NELL1: variants seen among roughly 807,000 people sequenced by gnomAD.
The protein encoded by NELL1 is neural EGFL like 1, also known as protein kinase C-binding protein NELL1.
Under a neutral mutation model 107.4 loss-of-function variants are expected in NELL1, and 76 were observed. The observed-to-expected ratio is 0.71, with a 90% CI of 0.59 to 0.86. The LOEUF is 0.86. Ranked by LOEUF, NELL1 falls within the 40% of genes least tolerant of loss-of-function variation. The pLI is 0.00. For missense variants in NELL1, 1,024 were observed against 1,005.5 expected (o/e 1.02, Z -0.25); for synonymous variants, 353 against 341.2 (o/e 1.03, Z -0.38).
chr11:21,109,619 A>G (rs937580902), intron 12 of NELL1, among the ~76,000 whole-genome samples: 6 of 152,004 alleles, frequency 3.9e-5, no homozygotes, highest in African/African-American at 9.7e-5. Context: ...GTCCAACTCA[A>G]TTTCTCTCTT....
intron 14 of NELL1, among the ~76,000 whole-genome samples, chr11:21,359,961 T>C (rs1851033490): frequency 6.6e-6 from 1 of 152,172 alleles, no homozygotes; most frequent in Non-Finnish European, 1.5e-5. Flanking sequence ...TTATCTTTTG[T>C]ATTGATTTCT....
intron 5 of NELL1, among the ~76,000 whole-genome samples, chr11:20,899,074 A>G (rs1590394531): frequency 6.6e-6 from 1 of 152,280 alleles, no homozygotes; most frequent in East Asian, 1.9e-4. Flanking sequence ...ACTTCTCGCA[A>G]TAACTTATAG....
At chr11:20,791,884 C>G (rs766144372) in intron 3 of NELL1, among the ~76,000 whole-genome samples, 4 of 151,864 alleles carry the variant, frequency 2.6e-5, no homozygotes, top group Middle Eastern at 3.2e-3. Flanking sequence ...TAGTTTTAAT[C>G]TTTTATTCTG....
intron 14 of NELL1, among the ~76,000 whole-genome samples, chr11:21,338,147 T>C (rs1200019687): frequency 1.3e-5 from 2 of 152,116 alleles, no homozygotes; most frequent in Non-Finnish European, 2.9e-5. Flanking sequence ...ACAGATATAA[T>C]GACAATGCAA....
At chr11:21,383,567 A>C (rs1318134317) in intron 15 of NELL1, among the ~76,000 whole-genome samples, 1 of 151,568 alleles carries the variant, frequency 6.6e-6, no homozygotes, top group Non-Finnish European at 1.5e-5. Flanking sequence ...GCCCATTCTA[A>C]ACTACTTCAA....
intron 2 of NELL1, among the ~76,000 whole-genome samples, chr11:20,774,897 A>T (rs1300314358): frequency 6.6e-6 from 1 of 152,008 alleles, no homozygotes; most frequent in African/African-American, 2.4e-5. Context: ...CTTGACAATC[A>T]GTGTGTATTA....
At chr11:21,286,737 A>T (rs1849127236) in intron 14 of NELL1, among the ~76,000 whole-genome samples, 1 of 152,212 alleles carries the variant, frequency 6.6e-6, no homozygotes, top group African/African-American at 2.4e-5. Flanking sequence ...AGTACACCAT[A>T]GTAAAATTTT....
chr11:21,095,842 T>A (rs1404480653), intron 12 of NELL1, among the ~76,000 whole-genome samples: 4 of 152,122 alleles, frequency 2.6e-5, no homozygotes, highest in African/African-American at 9.7e-5. Flanking sequence ...ACTCCTGACC[T>A]CAGGTAATCC....
intron 15 of NELL1, among the ~76,000 whole-genome samples, chr11:21,484,064 T>G (rs1258943062): frequency 1.4e-5 from 2 of 139,822 alleles, no homozygotes; most frequent in Non-Finnish European, 3.1e-5. Context: ...TAAAATATCC[T>G]AAGTATTTAG....
intron 5 of NELL1, among the ~76,000 whole-genome samples, chr11:20,892,916 G>C (rs187281781): frequency 1.5e-5 from 2 of 129,062 alleles, no homozygotes; most frequent in African/African-American, 6.1e-5. Flanking sequence ...GTGACAGAGA[G>C]AGACTGTGTC....
Position 21,323,581 on chromosome 11 carries a change from C to T in NELL1, c.1550-47272C>T, listed in dbSNP as rs116804225. Among the ~76,000 whole-genome samples the T allele has an allele frequency of 9.7e-3, 1,480 of 152,122 alleles. 30 individuals carry two copies. Among genetic ancestry groups the T allele is most frequent in the African/African-American group, 0.034 (1,431 of 41,518 alleles). On this transcript the variant is annotated intron_variant, in intron 14 of 19. Coordinates refer to ENST00000357134, the MANE Select transcript of NELL1 (RefSeq NM_006157.5). ...GTTATTTACTTCTGATAACACCTTCCATTTTACCTCTGACATGTCTCCAAG... is the reference window on the plus strand; with the variant it reads ...GTTATTTACTTCTGATAACACCTTCTATTTTACCTCTGACATGTCTCCAAG...
At chr11:21,250,769 T>C (rs1858617707) in intron 14 of NELL1, among the ~76,000 whole-genome samples, 1 of 152,182 alleles carries the variant, frequency 6.6e-6, no homozygotes, top group South Asian at 2.1e-4. Context: ...CCTTTTTATA[T>C]TATGATACAC....
chr11:21,556,056 C>T (rs74720061), intron 16 of NELL1, among the ~76,000 whole-genome samples: 3,443 of 151,974 alleles, frequency 0.023, 145 homozygotes, highest in African/African-American at 0.079. Context: ...ATTTTGCTAA[C>T]GTGTAGTGTG....
intron 14 of NELL1, 98 bp downstream of exon 14, chr11:21,229,552 C>A: frequency 6.6e-7 from 1 of 1,506,234 alleles, no homozygotes; most frequent in South Asian, 1.2e-5. Context: ...TGGTGGAACA[C>A]AGCCAGGGTT....
chr11:20,901,916 T>C (rs1849882993), intron 5 of NELL1, among the ~76,000 whole-genome samples: 1 of 152,018 alleles, frequency 6.6e-6, no homozygotes, highest in Non-Finnish European at 1.5e-5. Flanking sequence ...ATATATATAT[T>C]ATAGACACAG....
chr11:21,276,934 C>G (rs991439517), intron 14 of NELL1, among the ~76,000 whole-genome samples: 4 of 151,422 alleles, frequency 2.6e-5, no homozygotes, highest in Admixed American at 2.6e-4. Flanking sequence ...AGACCTAAAA[C>G]CATAAAAACC....
rs574224747 is a variant in NELL1 at position 21,292,491 on chromosome 11, T to C, written c.1549+63037T>C. On this transcript the variant is annotated intron_variant, in intron 14 of 19. Transcript: ENST00000357134. Reference sequence around the variant, plus strand: ...ATAGGAAGAATCAGTATCGTGAAAATGGCCATACTGCCTAAAGTAATTTAT... The same window carrying C: ...ATAGGAAGAATCAGTATCGTGAAAACGGCCATACTGCCTAAAGTAATTTAT... Among the ~76,000 whole-genome samples, 15 of 152,188 alleles carry C rather than the reference T, an allele frequency of 9.9e-5. No homozygotes were observed. The South Asian group carries it at 1.2e-3, about 13-fold the overall frequency.
chr11:21,495,548 C>A (rs12576261), intron 15 of NELL1, among the ~76,000 whole-genome samples: 1 of 151,864 alleles, frequency 6.6e-6, no homozygotes, highest in East Asian at 1.9e-4. Context: ...TGGATCATAC[C>A]GTAATTCTAT....
chr11:20,937,883 T>C (rs1880087), intron 10 of NELL1, 24 bp downstream of exon 10: 1,141,045 of 1,608,714 alleles, frequency 0.71, 411,850 homozygotes, highest in Non-Finnish European at 0.74. Flanking sequence ...TTATGGTCCC[T>C]ATCACTTCTG....
Sources: gnomAD v4.1 joint callset for allele counts (sites outside exome capture counted in the v4.1 genomes callset) on GRCh38, gnomAD v4.1.1 for gene constraint, MANE v1.5 for transcripts, NCBI Gene and HGNC (gene_info 2026-07-23, HGNC 2026-07-21) for gene names.